Variants in IL1RAPL1 observed in about 807,000 individuals in gnomAD.
IL1RAPL1 encodes interleukin 1 receptor accessory protein like 1.
A neutral mutation model predicts 48.4 loss-of-function variants in IL1RAPL1; 3 were observed. The observed-to-expected ratio is 0.06, with a 90% CI of 0.03 to 0.16. IL1RAPL1 has a LOEUF of 0.16. IL1RAPL1 is among the 10% of genes least tolerant of loss of function. The pLI is 1.00. For synonymous variants in IL1RAPL1, 185 were observed against 187.7 expected (o/e 0.99, Z 0.12); for missense variants, 349 against 530.6 (o/e 0.66, Z 3.36).
intron 2 of IL1RAPL1, among the ~76,000 whole-genome samples, chrX:29,266,943 C>A (rs1382235590): frequency 9.0e-6 from 1 of 111,690 alleles, no homozygotes; most frequent in Non-Finnish European, 1.9e-5. Context: ...GGTTACTTGC[C>A]TGCATAGGAC....
At chrX:29,203,369 C>A (rs962511813) in intron 2 of IL1RAPL1, among the ~76,000 whole-genome samples, 14 of 111,355 alleles carry the variant, frequency 1.3e-4, no homozygotes, top group South Asian at 3.7e-4. Flanking sequence ...GTTGGGATAA[C>A]CATCACCTCA....
chrX:28,609,628 T>TACACACACACACAC lies in IL1RAPL1; in HGVS notation c.-25+21603_-25+21616dup, dbSNP rs3078234. 1.7e-4 allele frequency among the ~76,000 whole-genome samples: 15 copies of TACACACACACACAC among 89,436 alleles called. No homozygotes were observed. The East Asian group carries it at 1.8e-3, about 11-fold the overall frequency. The allele number at this position is 89,436 out of a possible 115,157, so 77.7% of individuals were successfully genotyped here. A position where few individuals can be genotyped will look rare whatever the true frequency, so the allele number is the denominator to read the frequency against. ...AATGACTTCTCAGCATGCATGTTCT[T>TACACACACACACAC]ACACACACACACACACACACACACA... On this transcript the variant is annotated intron_variant, in intron 1 of 10. Transcript: ENST00000378993.
intron 5 of IL1RAPL1, among the ~76,000 whole-genome samples, chrX:29,560,641 ATC>A (rs1922161565): frequency 8.9e-6 from 1 of 111,850 alleles, no homozygotes; most frequent in Non-Finnish European, 1.9e-5. Flanking sequence ...CTTCTGCTTT[ATC>A]ACGTCTGCTA....
chrX:29,598,085 T>C (rs1226799180), intron 5 of IL1RAPL1, among the ~76,000 whole-genome samples: 2 of 112,080 alleles, frequency 1.8e-5, no homozygotes, highest in Non-Finnish European at 3.8e-5. Flanking sequence ...TGGATTGTTC[T>C]TGCTTCTCCA....
intron 1 of IL1RAPL1, among the ~76,000 whole-genome samples, chrX:28,689,744 A>G (rs933821140): frequency 8.9e-6 from 1 of 111,747 alleles, no homozygotes; most frequent in Non-Finnish European, 1.9e-5. Flanking sequence ...AATCTTTATC[A>G]AACTCTAAAA....
chrX:29,816,621 A>G (rs909850291), intron 6 of IL1RAPL1, among the ~76,000 whole-genome samples: 7 of 111,087 alleles, frequency 6.3e-5, no homozygotes, highest in Non-Finnish European at 1.9e-5. Flanking sequence ...AAGACACAAC[A>G]AAAAAAGAAG....
At chrX:29,099,310 G>A (rs1928282869) in intron 2 of IL1RAPL1, among the ~76,000 whole-genome samples, 2 of 111,768 alleles carry the variant, frequency 1.8e-5, no homozygotes, top group East Asian at 5.6e-4. Context: ...TATTTCCTTT[G>A]AAGTCTGAAG....
chrX:29,555,059 C>T (rs1921947050), intron 5 of IL1RAPL1, among the ~76,000 whole-genome samples: 1 of 112,465 alleles, frequency 8.9e-6, no homozygotes, highest in Admixed American at 9.4e-5. Flanking sequence ...ACTGAGAATC[C>T]CCTTTAACAG....
intron 1 of IL1RAPL1, among the ~76,000 whole-genome samples, chrX:28,604,034 G>A (rs1381120996): frequency 8.9e-6 from 1 of 112,233 alleles, no homozygotes; most frequent in Non-Finnish European, 1.9e-5. Context: ...CTGACAGTAT[G>A]TTTTTAAGGT....
chrX:29,586,596 A>G (rs189380298), intron 5 of IL1RAPL1, among the ~76,000 whole-genome samples: 1 of 111,749 alleles, frequency 8.9e-6, no homozygotes, highest in East Asian at 2.8e-4. Flanking sequence ...AGATTTTGAT[A>G]TGAATTGCAT....
At chrX:29,765,953 T>G (rs1214093495) in intron 6 of IL1RAPL1, among the ~76,000 whole-genome samples, 1 of 110,726 alleles carries the variant, frequency 9.0e-6, no homozygotes, top group Non-Finnish European at 1.9e-5. Flanking sequence ...AATCTCAGAA[T>G]TTGCCACTGT....
intron 8 of IL1RAPL1, among the ~76,000 whole-genome samples, chrX:29,920,829 G>GA (rs1445660022): frequency 1.2e-4 from 9 of 74,273 alleles, no homozygotes; most frequent in Non-Finnish European, 2.4e-4. Flanking sequence ...GAAAAGAAAA[G>GA]AAAGAAAAGA....
intron 5 of IL1RAPL1, among the ~76,000 whole-genome samples, chrX:29,414,235 T>C (rs962274024): frequency 9.1e-5 from 10 of 110,240 alleles, no homozygotes; most frequent in African/African-American, 2.6e-4. Flanking sequence ...GAGATTCAGT[T>C]TGGGATGATA....
At chrX:29,555,121 A>G (rs969137054) in intron 5 of IL1RAPL1, among the ~76,000 whole-genome samples, 6 of 112,655 alleles carry the variant, frequency 5.3e-5, no homozygotes, top group Admixed American at 2.8e-4. Flanking sequence ...AGCTTTTCCC[A>G]TTAATTCATG....
At chrX:29,742,306 A>G (rs145997458) in intron 6 of IL1RAPL1, among the ~76,000 whole-genome samples, 3,240 of 111,917 alleles carry the variant, frequency 0.029, 111 homozygotes, top group African/African-American at 0.1. Flanking sequence ...TGTAATGACT[A>G]CTGAAAATGA....
intron 2 of IL1RAPL1, among the ~76,000 whole-genome samples, chrX:29,104,296 A>C (rs1413059697): frequency 8.9e-6 from 1 of 112,252 alleles, no homozygotes; most frequent in Non-Finnish European, 1.9e-5. Flanking sequence ...AGCCATAAAA[A>C]GAATGAGACC....
intron 1 of IL1RAPL1, among the ~76,000 whole-genome samples, chrX:28,725,413 C>T (rs996419560): frequency 1.8e-4 from 20 of 111,664 alleles, no homozygotes; most frequent in Middle Eastern, 9.3e-3. Context: ...GTATAATTTT[C>T]GTTTACATAT....
At chrX:29,556,228 T>C (rs776455588) in intron 5 of IL1RAPL1, among the ~76,000 whole-genome samples, 1 of 112,235 alleles carries the variant, frequency 8.9e-6, no homozygotes, top group South Asian at 3.7e-4. Context: ...GAAATTTGAT[T>C]AAAGCAAGTT....
chrX:29,865,764 G>A (rs1601857489), intron 6 of IL1RAPL1, among the ~76,000 whole-genome samples: 1 of 103,384 alleles, frequency 9.7e-6, no homozygotes, highest in East Asian at 3.0e-4. Context: ...AGCCTCTTGA[G>A]TGGCTGGGAT....
Sources: gnomAD v4.1 joint callset for allele counts (sites outside exome capture counted in the v4.1 genomes callset) on GRCh38, gnomAD v4.1.1 for gene constraint, MANE v1.5 for transcripts, NCBI Gene and HGNC (gene_info 2026-07-23, HGNC 2026-07-21) for gene names.